CELSR1: variants seen among roughly 807,000 people sequenced by gnomAD.
CELSR1 encodes the protein cadherin EGF LAG seven-pass G-type receptor 1.
A neutral mutation model predicts 249.1 loss-of-function variants in CELSR1; 110 were observed. The observed-to-expected ratio is 0.44, with a 90% CI of 0.38 to 0.52. The LOEUF (loss-of-function observed/expected upper bound fraction) is 0.52, where lower values mean the gene tolerates loss of function less well. Ranked by LOEUF, CELSR1 falls within the 20% of genes least tolerant of loss-of-function variation. The pLI, the probability that CELSR1 is intolerant of heterozygous loss-of-function variation, is 0.00. For missense variants in CELSR1, 4,109 were observed against 4,296.4 expected (o/e 0.96, Z 1.22); for synonymous variants, 2,113 against 1,900.0 (o/e 1.11, Z -2.92).
chr22:46,392,442 T>C (rs1465371418), intron 14 of CELSR1, among the ~76,000 whole-genome samples: 1 of 152,242 alleles, frequency 6.6e-6, no homozygotes, highest in East Asian at 1.9e-4. Flanking sequence ...CGACTGTGTG[T>C]AAAATGACAG....
At chr22:46,387,561 G>A (rs1283266778) in intron 18 of CELSR1, among the ~76,000 whole-genome samples, 1 of 151,952 alleles carries the variant, frequency 6.6e-6, no homozygotes, top group Non-Finnish European at 1.5e-5. Context: ...GTTTCACCAT[G>A]TTGCCCAGGC....
intron 1 of CELSR1, among the ~76,000 whole-genome samples, chr22:46,521,645 C>A (rs185066507): frequency 6.6e-6 from 1 of 151,918 alleles, no homozygotes; most frequent in Non-Finnish European, 1.5e-5. Context: ...GGAGAAACCC[C>A]GTCTCTACTA....
chr22:46,367,562 C>T (rs542480937), intron 28 of CELSR1, among the ~76,000 whole-genome samples, 167 bp downstream of exon 28: 39 of 152,336 alleles, frequency 2.6e-4, no homozygotes, highest in African/African-American at 9.4e-4. Context: ...GCACCAGCCC[C>T]CGTGCCGGCT....
At chr22:46,414,412 G>C (rs1215944669) in intron 5 of CELSR1, among the ~76,000 whole-genome samples, 1 of 152,252 alleles carries the variant, frequency 6.6e-6, no homozygotes, top group African/African-American at 2.4e-5. Context: ...CCTGCTGCTC[G>C]GAGGAGAAAT....
In CELSR1 at chr22:46,390,530, T is replaced by C. The variant is rs757089521; in HGVS notation, c.6251-44A>G. The C allele has an allele frequency of 1.4e-6, 2 of 1,448,888 alleles. No homozygotes were observed. The highest frequency in any genetic ancestry group is 1.9e-6 in the Non-Finnish European group (2 of 1,035,874). The allele number at this position is 1,448,888 out of a possible 1,614,324, so 89.8% of individuals were successfully genotyped here. ...TGTGCAAAGCCTGAAACTCAAACTGTTGATCAATGCTTGTGTATTTCAATC... is the reference window on the plus strand; with the variant it reads ...TGTGCAAAGCCTGAAACTCAAACTGCTGATCAATGCTTGTGTATTTCAATC... On this transcript the variant is annotated intron_variant, in intron 16 of 34. Transcript: ENST00000674500. The surrounding 1 kb of genome is among the most constrained non-coding windows in gnomAD (Gnocchi z 6.3).
rs913851283 is a variant in CELSR1, at chr22:46,473,326, AGAG to A, written c.3545-8984_3545-8982del. ...CCCAGTGATGGTGGATGGGAGGGAC[AGAG>A]GAGATGGTCCAAGAGGACCCTAGTC... On this transcript the variant is annotated intron_variant, in intron 1 of 34. Coordinates refer to ENST00000674500, the MANE Select transcript of CELSR1 (RefSeq NM_001378328.1). This position sits in a 1 kb window ranked among gnomAD's most constrained non-coding sequence, Gnocchi z 6.6. 5.3e-5 allele frequency among the ~76,000 whole-genome samples: 8 copies of A among 152,166 alleles called. No homozygotes were observed. The highest frequency in any genetic ancestry group is 4.1e-4 in the South Asian group (2 of 4,822).
At chr22:46,405,670 C>T (rs2079258541) in intron 9 of CELSR1, among the ~76,000 whole-genome samples, 1 of 152,110 alleles carries the variant, frequency 6.6e-6, no homozygotes, top group African/African-American at 2.4e-5. Context: ...GGTTATCCCA[C>T]CTGACAAGGT....
rs932949391 is a variant in CELSR1 at position 46,454,742 on chromosome 22, C to A, written c.4183+8965G>T. 6.6e-6 allele frequency among the ~76,000 whole-genome samples: 1 copy of A among 152,258 alleles called. No individual in the cohort carries two copies. The highest frequency in any genetic ancestry group is 1.5e-5 in the Non-Finnish European group (1 of 68,050). ...GTAAACACATCGCAGAAACCTGCCT[C>A]CCACCCTGGAGTGGCCCGTGGTCCT... On this transcript the variant is annotated intron_variant, in intron 2 of 34. Transcript: ENST00000674500. This position sits in a 1 kb window ranked among gnomAD's most constrained non-coding sequence, Gnocchi z 5.1.
At chr22:46,382,434 C>A (rs1385198983) in intron 20 of CELSR1, among the ~76,000 whole-genome samples, 6 of 151,932 alleles carry the variant, frequency 3.9e-5, no homozygotes, top group Admixed American at 3.9e-4. Flanking sequence ...CCCGCCACCA[C>A]GCCTGGCTAA....
At chr22:46,364,791 C>A in intron 32 of CELSR1, 55 bp from the exon 33 acceptor site, 1 of 1,527,496 alleles carries the variant, frequency 6.5e-7, no homozygotes, top group South Asian at 1.2e-5. Flanking sequence ...CGAGCTGCTC[C>A]CTTGAGAGCC....
intron 2 of CELSR1, chr22:46,462,771 G>A (rs2080046210): frequency 9.5e-6 from 3 of 314,340 alleles, no homozygotes; most frequent in South Asian, 7.6e-5. Flanking sequence ...GAGATGCAGA[G>A]AATGTGTGTT....
chr22:46,479,165 G>A, intron 1 of CELSR1, among the ~76,000 whole-genome samples: 1 of 151,830 alleles, frequency 6.6e-6, no homozygotes, highest in Non-Finnish European at 1.5e-5. Context: ...CCTGCGGCTG[G>A]TGCAGCATCC....
In CELSR1 at chr22:46,436,086, G is replaced by T; in HGVS notation, c.4522+88C>A. On this transcript the variant is annotated intron_variant, in intron 4 of 34. Transcript: ENST00000674500. The surrounding 1 kb of genome is among the most constrained non-coding windows in gnomAD (Gnocchi z 5.9). ...TGAGGGATGAAAGGGTAAGCAGCTTGGAGGCGCTGCACAGGGCGAGGGTCG... is the reference window on the plus strand; with the variant it reads ...TGAGGGATGAAAGGGTAAGCAGCTTTGAGGCGCTGCACAGGGCGAGGGTCG... The T allele has an allele frequency of 2.1e-6, 2 of 949,118 alleles. No homozygotes were observed. Among genetic ancestry groups the T allele is most frequent in the Non-Finnish European group, 3.3e-6 (2 of 605,150 alleles). The allele number at this position is 949,118 out of a possible 1,614,324, so 58.8% of individuals were successfully genotyped here.
rs151055274 is a variant in CELSR1, at chr22:46,381,920, G to A, written c.7014C>T (p.Val2338=). The change falls in exon 21 of 35, where the codon GTC becomes GTT. Residue 2338 remains valine, a synonymous_variant. Coordinates refer to ENST00000674500, the MANE Select transcript of CELSR1 (RefSeq NM_001378328.1). The surrounding 1 kb of genome is among the most constrained non-coding windows in gnomAD (Gnocchi z 6.0). The part of the protein sequence containing the change: ...RHPDDAGQFA[V]ALVIIYRTLG... ...GGGTGCGGTAAATGATGACCAGAGC[G>A]ACGGCGAACTGGCCAGCGTCATCAG... 2.0e-3 allele frequency: 3,214 copies of A among 1,573,268 alleles called. 91 individuals are homozygous for A. The Admixed American group carries it at 0.048, about 24-fold the overall frequency.
rs927108228 is a variant in CELSR1, at chr22:46,416,083, C to T, written c.4612-4324G>A. Among the ~76,000 whole-genome samples, 9 of 130,252 alleles carry T rather than the reference C, an allele frequency of 6.9e-5. 1 individual carries two copies. Among genetic ancestry groups the T allele is most frequent in the Non-Finnish European group, 1.3e-4 (8 of 61,806 alleles). The allele number at this position is 130,252 out of a possible 152,430, so 85.5% of individuals were successfully genotyped here. ...GGTGGCTTGGCTGGGTCACAGCTGA[C>T]GATGAATGGTACAGGTTGCAGAGGG... On this transcript the variant is annotated intron_variant, in intron 5 of 34. Coordinates refer to ENST00000674500, the MANE Select transcript of CELSR1 (RefSeq NM_001378328.1).
Position 46,363,866 on chromosome 22 carries a change from C to A in CELSR1, c.9035+130G>T. 1 of 1,277,894 alleles carries A rather than the reference C, an allele frequency of 7.8e-7. No individual in the cohort carries two copies. Among genetic ancestry groups the A allele is most frequent in the Non-Finnish European group, 1.0e-6 (1 of 961,228 alleles). The allele number at this position is 1,277,894 out of a possible 1,614,324, so 79.2% of individuals were successfully genotyped here. On this transcript the variant is annotated intron_variant, in intron 34 of 34. Transcript: ENST00000674500. This position sits in a 1 kb window ranked among gnomAD's most constrained non-coding sequence, Gnocchi z 4.3. ...CGCCTCCCCCCTCCCCCATCCCCGC[C>A]TGGGCTTCCTCTGCACTCAGGGCTC...
chr22:46,536,754 G>A lies in CELSR1; in HGVS notation c.417C>T (p.Cys139=). Residue 139 remains cysteine (C), a synonymous_variant, in exon 1 of 35, where the codon TGC becomes TGT. Coordinates refer to ENST00000674500, the MANE Select transcript of CELSR1 (RefSeq NM_001378328.1). Reference sequence around the variant, plus strand: ...CGAGCGCCGAATGCTGCGCGGCCGCGCAGCCGCCGGGGACGGGGAAGCAGA... The same window carrying A: ...CGAGCGCCGAATGCTGCGCGGCCGCACAGCCGCCGGGGACGGGGAAGCAGA... ...GALCFPVPGG[C]AAAQHSALAA... 4.3e-6 allele frequency: 5 copies of A among 1,159,692 alleles called. No homozygotes were observed. Among genetic ancestry groups the A allele is most frequent in the Non-Finnish European group, 5.3e-6 (5 of 945,330 alleles). 71.8% of individuals were successfully genotyped at this position (1,159,692 alleles called of 1,614,324 possible). A position where few individuals can be genotyped will look rare whatever the true frequency, so the allele number is the denominator to read the frequency against.
chr22:46,404,384 C>G (rs2079241899), intron 9 of CELSR1, among the ~76,000 whole-genome samples: 1 of 151,780 alleles, frequency 6.6e-6, no homozygotes, highest in African/African-American at 2.4e-5. Context: ...TGCACTCCAA[C>G]CTGGGAGACA....
rs1208309080 is a variant in CELSR1, at chr22:46,536,748, G to C, written c.423C>G (p.Ala141=). 1.7e-6 allele frequency: 2 copies of C among 1,182,976 alleles called. No individual in the cohort carries two copies. The highest frequency in any genetic ancestry group is 4.7e-5 in the Admixed American group (1 of 21,412). 73.3% of individuals were successfully genotyped at this position (1,182,976 alleles called of 1,614,324 possible). Residue 141 remains alanine, a synonymous_variant, in exon 1 of 35, where the codon GCC becomes GCG. Coordinates refer to ENST00000674500, the MANE Select transcript of CELSR1 (RefSeq NM_001378328.1). ...LCFPVPGGCA[A]AQHSALAAPT... ...GAGCTGCGAGCGCCGAATGCTGCGC[G>C]GCCGCGCAGCCGCCGGGGACGGGGA...
Sources: gnomAD v4.1 joint callset for allele counts (sites outside exome capture counted in the v4.1 genomes callset) on GRCh38, gnomAD v4.1.1 for gene constraint, Gnocchi (gnomAD v3.1) non-coding constraint, MANE v1.5 for transcripts, NCBI Gene and HGNC (gene_info 2026-07-23, HGNC 2026-07-21) for gene names.